OXR1: variants seen among roughly 807,000 people sequenced by gnomAD.
OXR1 encodes the protein oxidation resistance 1.
Under a neutral mutation model 104.6 loss-of-function variants are expected in OXR1, and 41 were observed. The observed-to-expected ratio is 0.39, with a 90% CI of 0.31 to 0.51. The LOEUF (loss-of-function observed/expected upper bound fraction) is 0.51. Ranked by LOEUF, OXR1 falls within the 20% of genes least tolerant of loss-of-function variation. OXR1 has a pLI of 0.77. For synonymous variants in OXR1, 348 were observed against 348.4 expected, an observed-to-expected ratio of 1.00 and a Z score of 0.01; for missense variants, 955 against 1,031.9, an observed-to-expected ratio of 0.93 and a Z score of 1.02.
At chr8:106,736,239 T>C (rs1368044876) in intron 11 of OXR1, among the ~76,000 whole-genome samples, 1 of 147,804 alleles carries the variant, frequency 6.8e-6, no homozygotes, top group Non-Finnish European at 1.5e-5. Context: ...AGCTAACATA[T>C]TGTATGCTTT....
Position 106,358,948 on chromosome 8 carries a change from C to T in OXR1, c.-138-528C>T, listed in dbSNP as rs1001413774. Among the ~76,000 whole-genome samples the T allele has an allele frequency of 2.0e-5, 3 of 151,656 alleles. No homozygotes were observed. The East Asian group carries it at 5.8e-4, about 29-fold the overall frequency. On this transcript the variant is annotated intron_variant, in intron 1 of 16. Coordinates refer to ENST00000517566, the MANE Select transcript of OXR1 (RefSeq NM_001198533.2). ...AAATAATTTAGTGAATAATTTAATT[C>T]ACCGTCTTATTTAGCGAATAATTTA...
At chr8:106,596,433 T>A (rs1331046852) in intron 3 of OXR1, among the ~76,000 whole-genome samples, 2 of 151,112 alleles carry the variant, frequency 1.3e-5, no homozygotes, top group African/African-American at 4.9e-5. Flanking sequence ...GGACACAGAG[T>A]CTCACTCTGT....
chr8:106,675,625 T>A (rs2131187945), intron 3 of OXR1, among the ~76,000 whole-genome samples: 1 of 152,324 alleles, frequency 6.6e-6, no homozygotes, highest in Non-Finnish European at 1.5e-5. Flanking sequence ...AATTTCTTAG[T>A]CTAATTTTTC....
At chr8:106,275,979 A>T (rs1469437439) in intron 1 of OXR1, among the ~76,000 whole-genome samples, 1 of 152,230 alleles carries the variant, frequency 6.6e-6, no homozygotes, top group Non-Finnish European at 1.5e-5. Flanking sequence ...TAAGAAAAAA[A>T]ATAGCCTGGA....
intron 2 of OXR1, among the ~76,000 whole-genome samples, chr8:106,408,944 C>T (rs937339871): frequency 2.0e-5 from 3 of 152,134 alleles, no homozygotes; most frequent in South Asian, 2.1e-4. Context: ...ACGTCAGGCA[C>T]GCGGATGATC....
chr8:106,680,217 A>G (rs1828013938), intron 4 of OXR1, among the ~76,000 whole-genome samples: 1 of 152,108 alleles, frequency 6.6e-6, no homozygotes, highest in South Asian at 2.1e-4. Context: ...AAATTTACTA[A>G]TATCAAGATA....
At chr8:106,607,815 CT>C (rs908000108) in intron 3 of OXR1, among the ~76,000 whole-genome samples, 352 of 139,222 alleles carry the variant, frequency 2.5e-3, no homozygotes, top group African/African-American at 4.5e-3. Flanking sequence ...TTTTCTTTTT[CT>C]TTTTTTTTTT....
At chr8:106,536,171 G>C (rs35924399) in intron 3 of OXR1, among the ~76,000 whole-genome samples, 56,615 of 150,980 alleles carry the variant, frequency 0.37, 12,555 homozygotes, top group Non-Finnish European at 0.48. Flanking sequence ...AGTGAGCAGA[G>C]ATCGCGCCAC....
At chr8:106,326,823 G>A (rs1416286555) in intron 1 of OXR1, among the ~76,000 whole-genome samples, 1 of 152,124 alleles carries the variant, frequency 6.6e-6, no homozygotes, top group African/African-American at 2.4e-5. Context: ...AGTAGGGAAG[G>A]GTAGAGGGAC....
At chr8:106,662,774 A>G (rs1393932445) in intron 3 of OXR1, among the ~76,000 whole-genome samples, 1 of 152,078 alleles carries the variant, frequency 6.6e-6, no homozygotes, top group African/African-American at 2.4e-5. Flanking sequence ...TTTCTAACCT[A>G]ATATTGGGGG....
At chr8:106,328,932 C>T (rs935634211) in intron 1 of OXR1, among the ~76,000 whole-genome samples, 1 of 152,158 alleles carries the variant, frequency 6.6e-6, no homozygotes, top group Admixed American at 6.5e-5. Flanking sequence ...CCTGGATTAC[C>T]ACTTTGGCCC....
At chr8:106,497,272 T>C (rs974755572) in intron 2 of OXR1, among the ~76,000 whole-genome samples, 10 of 152,298 alleles carry the variant, frequency 6.6e-5, no homozygotes, top group African/African-American at 2.4e-4. Flanking sequence ...CATATTGACT[T>C]AGAAAAGCCT....
chr8:106,392,470 G>A (rs1019592811), intron 2 of OXR1, among the ~76,000 whole-genome samples: 1 of 152,096 alleles, frequency 6.6e-6, no homozygotes, highest in Non-Finnish European at 1.5e-5. Flanking sequence ...GTGAGTTAGA[G>A]CATACACAAG....
chr8:106,642,700 A>C (rs1823757177), intron 3 of OXR1, among the ~76,000 whole-genome samples: 1 of 152,236 alleles, frequency 6.6e-6, no homozygotes, highest in Non-Finnish European at 1.5e-5. Context: ...AGGTTTGGTT[A>C]CAGCTAGCCA....
intron 2 of OXR1, among the ~76,000 whole-genome samples, chr8:106,511,939 G>A (rs1322181100): frequency 6.6e-6 from 1 of 152,090 alleles, no homozygotes; most frequent in Non-Finnish European, 1.5e-5. Context: ...TACCTCATAA[G>A]CTTGTTGTGA....
intron 2 of OXR1, among the ~76,000 whole-genome samples, chr8:106,385,245 C>T (rs1219773104): frequency 2.6e-5 from 4 of 152,124 alleles, no homozygotes; most frequent in Admixed American, 1.3e-4. Context: ...GTGACAATTA[C>T]CTAATTTGAG....
chr8:106,270,549 G>A (rs2130452825), intron 1 of OXR1, among the ~76,000 whole-genome samples, 182 bp downstream of exon 1: 1 of 152,342 alleles, frequency 6.6e-6, no homozygotes, highest in South Asian at 2.1e-4. Context: ...TGCTCGAGCG[G>A]GGACGACGGG....
intron 11 of OXR1, among the ~76,000 whole-genome samples, chr8:106,718,732 G>A (rs895478123): frequency 1.3e-5 from 2 of 151,810 alleles, no homozygotes; most frequent in Admixed American, 6.6e-5. Context: ...GTAGCTACTC[G>A]GGAGGCTGAG....
At chr8:106,493,672 T>C (rs931962749) in intron 2 of OXR1, among the ~76,000 whole-genome samples, 1 of 152,242 alleles carries the variant, frequency 6.6e-6, no homozygotes, top group Non-Finnish European at 1.5e-5. Context: ...TTTCACTATC[T>C]TCCCAAGCCA....
Sources: gnomAD v4.1 joint callset for allele counts (sites outside exome capture counted in the v4.1 genomes callset) on GRCh38, gnomAD v4.1.1 for gene constraint, MANE v1.5 for transcripts, NCBI Gene and HGNC (gene_info 2026-07-23, HGNC 2026-07-21) for gene names.